ROBO2: variants seen among roughly 807,000 people sequenced by gnomAD.
ROBO2 encodes the protein roundabout homolog 2.
A neutral mutation model predicts 160.8 loss-of-function variants in ROBO2; 53 were observed. The observed-to-expected ratio is 0.33, with a 90% CI of 0.26 to 0.41. The LOEUF (loss-of-function observed/expected upper bound fraction) is 0.41, where lower values mean the gene tolerates loss of function less well. ROBO2 is among the 10% of genes least tolerant of loss of function. The pLI is 1.00. For synonymous variants in ROBO2, 664 were observed against 611.7 expected, an observed-to-expected ratio of 1.09 and a Z score of -1.26; for missense variants, 1,577 against 1,722.4, an observed-to-expected ratio of 0.92 and a Z score of 1.49.
At chr3:77,612,143 A>G (rs1477037024) in intron 21 of ROBO2, among the ~76,000 whole-genome samples, 2 of 152,228 alleles carry the variant, frequency 1.3e-5, no homozygotes, top group African/African-American at 4.8e-5. Flanking sequence ...GTCAAAGAAC[A>G]AAACCTTCTC....
chr3:76,370,297 G>A (rs1305846069), intron 2 of ROBO2, among the ~76,000 whole-genome samples: 3 of 151,844 alleles, frequency 2.0e-5, no homozygotes, highest in Non-Finnish European at 2.9e-5. Context: ...AATAATTTGA[G>A]CTTTTCTTGT....
chr3:76,442,405 AAG>A (rs1328750785), intron 2 of ROBO2, among the ~76,000 whole-genome samples: 1 of 152,126 alleles, frequency 6.6e-6, no homozygotes, highest in Non-Finnish European at 1.5e-5. Context: ...CTCAAGTGGA[AAG>A]AGAGCAGAGC....
intron 12 of ROBO2, 144 bp from the exon 14 acceptor site, chr3:77,568,169 G>A (rs2093541440): frequency 3.8e-6 from 3 of 792,938 alleles, no homozygotes. Flanking sequence ...ATATATATAG[G>A]CTTAAATGCT....
At chr3:76,252,713 C>T (rs998343196) in intron 2 of ROBO2, among the ~76,000 whole-genome samples, 2 of 151,052 alleles carry the variant, frequency 1.3e-5, no homozygotes, top group Non-Finnish European at 2.9e-5. Context: ...TGTATATATA[C>T]ACACACTCAC....
chr3:76,362,457 T>G (rs572484851), intron 2 of ROBO2, among the ~76,000 whole-genome samples: 1 of 152,190 alleles, frequency 6.6e-6, no homozygotes, highest in African/African-American at 2.4e-5. Context: ...GTAAACAGTA[T>G]TTTATTAACT....
At chr3:76,243,656 G>A (rs1402224868) in intron 2 of ROBO2, among the ~76,000 whole-genome samples, 1 of 152,152 alleles carries the variant, frequency 6.6e-6, no homozygotes, top group Non-Finnish European at 1.5e-5. Context: ...ACTTGCAGGC[G>A]TGATGCCTGC....
intron 2 of ROBO2, among the ~76,000 whole-genome samples, chr3:75,969,415 C>T (rs1052010368): frequency 6.6e-6 from 1 of 150,630 alleles, no homozygotes; most frequent in Non-Finnish European, 1.5e-5. Context: ...GATTTCAGTT[C>T]CTTTGGGTAT....
intron 2 of ROBO2, among the ~76,000 whole-genome samples, chr3:76,688,467 T>A (rs2092729767): frequency 6.6e-6 from 1 of 151,942 alleles, no homozygotes; most frequent in Non-Finnish European, 1.5e-5. Flanking sequence ...AAGTTCTGGA[T>A]TATTTCCTCA....
intron 2 of ROBO2, among the ~76,000 whole-genome samples, chr3:76,418,535 GC>G (rs1017994993): frequency 2.6e-5 from 4 of 152,150 alleles, no homozygotes; most frequent in Non-Finnish European, 4.4e-5. Context: ...ACTGCACCCG[GC>G]CCAAACAAAT....
chr3:77,409,483 G>C (rs778540359), intron 2 of ROBO2, among the ~76,000 whole-genome samples: 1 of 152,112 alleles, frequency 6.6e-6, no homozygotes, highest in Non-Finnish European at 1.5e-5. Flanking sequence ...ATTGCCAAGA[G>C]AGCATTTGCA....
intron 2 of ROBO2, among the ~76,000 whole-genome samples, chr3:76,983,242 G>A (rs2060192284): frequency 6.6e-6 from 1 of 152,052 alleles, no homozygotes; most frequent in Non-Finnish European, 1.5e-5. Context: ...AGCCAAGATA[G>A]CGCCACTGCA....
At chr3:76,772,574 T>C (rs2061978817) in intron 2 of ROBO2, among the ~76,000 whole-genome samples, 1 of 150,440 alleles carries the variant, frequency 6.6e-6, no homozygotes, top group East Asian at 2.0e-4. Flanking sequence ...GATTTTTCTA[T>C]ACACTAATTT....
chr3:77,501,012 G>A (rs2087519720), intron 5 of ROBO2, among the ~76,000 whole-genome samples: 1 of 152,232 alleles, frequency 6.6e-6, no homozygotes, highest in South Asian at 2.1e-4. Flanking sequence ...CCAGGTGCCA[G>A]TATGCAGAGC....
rs115901976 is a variant in ROBO2, at chr3:77,186,305, C to T, written c.388+87965C>T. 5.1e-3 allele frequency among the ~76,000 whole-genome samples: 772 copies of T among 151,926 alleles called. 4 individuals are homozygous for T. The highest frequency in any genetic ancestry group is 0.018 in the African/African-American group (739 of 41,482). On this transcript the variant is annotated intron_variant, in intron 2 of 25. Transcript: ENST00000461745. ...GACCTTTGGTTTTGAAGACCAGAAG[C>T]TTTACTGGTGATCTTGTAAAGAGCA... is the stretch of plus-strand genomic sequence containing the variant.
chr3:77,504,003 TG>T lies in ROBO2; in HGVS notation c.806+10627del, dbSNP rs527246403. Among the ~76,000 whole-genome samples the T allele has an allele frequency of 2.6e-4, 40 of 152,284 alleles. 1 individual carries two copies. In the South Asian group the frequency reaches 3.9e-3, roughly 15 times the overall value. On this transcript the variant is annotated intron_variant, in intron 5 of 25. Coordinates refer to ENST00000461745, the Ensembl canonical transcript of ROBO2. ...TGATCCCCTTCAGTGAAGTCATTTT[TG>T]GGGGGATCTCTGTTTTAGTTGTTAC...
chr3:76,316,492 C>T (rs574692627), intron 2 of ROBO2, among the ~76,000 whole-genome samples: 9 of 152,150 alleles, frequency 5.9e-5, no homozygotes, highest in African/African-American at 2.2e-4. Flanking sequence ...ACCTTATGGT[C>T]GTCTTCCCTT....
intron 2 of ROBO2, among the ~76,000 whole-genome samples, chr3:76,092,661 T>C (rs1450655464): frequency 6.6e-6 from 1 of 152,178 alleles, no homozygotes; most frequent in Non-Finnish European, 1.5e-5. Flanking sequence ...ATCATTCTCT[T>C]TGCTCTTAGT....
intron 2 of ROBO2, among the ~76,000 whole-genome samples, chr3:77,146,672 A>C (rs1002211289): frequency 2.6e-5 from 4 of 152,062 alleles, no homozygotes; most frequent in African/African-American, 9.7e-5. Context: ...ACAGGTGTAA[A>C]AAGGCCAAGA....
At chr3:76,045,968 T>C (rs2067432657) in intron 2 of ROBO2, among the ~76,000 whole-genome samples, 2 of 151,978 alleles carry the variant, frequency 1.3e-5, no homozygotes, top group Non-Finnish European at 2.9e-5. Flanking sequence ...TTCCTGCTTT[T>C]CTTTGCATTA....
Sources: gnomAD v4.1 joint callset for allele counts (sites outside exome capture counted in the v4.1 genomes callset) on GRCh38, gnomAD v4.1.1 for gene constraint, MANE v1.5 for transcripts, NCBI Gene and HGNC (gene_info 2026-07-23, HGNC 2026-07-21) for gene names.